Variants in CDC14B observed in about 807,000 individuals in gnomAD.
CDC14B encodes the protein cell division cycle 14B, also known as dual specificity protein phosphatase CDC14B.
In CDC14B, 22 loss-of-function variants were observed where a neutral mutation model predicts 64.2. The observed-to-expected ratio is 0.34, with a 90% CI of 0.24 to 0.49. The LOEUF is 0.49. Ranked by LOEUF, CDC14B falls within the 20% of genes least tolerant of loss-of-function variation. CDC14B has a pLI of 0.99. For synonymous variants in CDC14B, 191 were observed against 215.8 expected (o/e 0.89, Z 1.01); for missense variants, 498 against 629.9 (o/e 0.79, Z 2.24).
intron 1 of CDC14B, among the ~76,000 whole-genome samples, chr9:96,583,711 C>T (rs1025882295): frequency 6.7e-6 from 1 of 149,614 alleles, no homozygotes; most frequent in East Asian, 2.0e-4. Flanking sequence ...GTGAGGATTT[C>T]TTATTTTTTA....
At chr9:96,590,557 C>T (rs1219439297) in intron 1 of CDC14B, among the ~76,000 whole-genome samples, 1 of 151,946 alleles carries the variant, frequency 6.6e-6, no homozygotes, top group Non-Finnish European at 1.5e-5. Context: ...AACCTCTATA[C>T]TATTTTCCAT....
chr9:96,557,810 C>T (rs1842679026), intron 4 of CDC14B, among the ~76,000 whole-genome samples: 2 of 152,152 alleles, frequency 1.3e-5, no homozygotes, highest in Admixed American at 1.3e-4. Context: ...ATTAGCTCTA[C>T]CAAAGTAATC....
At chr9:96,579,107 C>T (rs1408439137) in intron 1 of CDC14B, among the ~76,000 whole-genome samples, 2 of 151,936 alleles carry the variant, frequency 1.3e-5, no homozygotes, top group South Asian at 2.1e-4. Context: ...CATGAGCCAC[C>T]GCACCCAGCC....
At chr9:96,569,181 G>A (rs1844328322) in intron 1 of CDC14B, among the ~76,000 whole-genome samples, 1 of 152,178 alleles carries the variant, frequency 6.6e-6, no homozygotes, top group Admixed American at 6.5e-5. Context: ...AAATTACACT[G>A]CTTCTAAAAA....
intron 12 of CDC14B, among the ~76,000 whole-genome samples, chr9:96,520,839 T>G (rs1161082500): frequency 1.7e-5 from 2 of 117,276 alleles, no homozygotes; most frequent in Non-Finnish European, 3.3e-5. Flanking sequence ...ATAACCCATA[T>G]TTCAACAAGC....
intron 1 of CDC14B, among the ~76,000 whole-genome samples, chr9:96,610,539 CCT>C (rs1023041311): frequency 3.3e-5 from 5 of 152,084 alleles, no homozygotes; most frequent in African/African-American, 1.2e-4. Flanking sequence ...GAAGCACTTC[CCT>C]GTTTCCCAAG....
At chr9:96,611,668 C>A (rs1206327604) in intron 1 of CDC14B, among the ~76,000 whole-genome samples, 1 of 152,132 alleles carries the variant, frequency 6.6e-6, no homozygotes, top group African/African-American at 2.4e-5. Context: ...CTATTCCCAA[C>A]CTTTCCAAAT....
In CDC14B at chr9:96,555,254, C is replaced by T. The variant is rs1303087126; in HGVS notation, c.421-3382G>A. Among the ~76,000 whole-genome samples, 4 of 152,106 alleles carry T rather than the reference C, an allele frequency of 2.6e-5. No homozygotes were observed. In the East Asian group the frequency reaches 7.7e-4, roughly 29 times the overall value. ...AGGCTAGATCATAAAAGAGGTAGCT[C>T]CTGTCATGCTTTCTCTTAGAACCCT... is the stretch of plus-strand genomic sequence containing the variant. On this transcript the variant is annotated intron_variant, in intron 4 of 13. Transcript: ENST00000375241.
intron 1 of CDC14B, among the ~76,000 whole-genome samples, chr9:96,596,838 G>A (rs1466593443): frequency 6.6e-6 from 1 of 151,124 alleles, no homozygotes; most frequent in Non-Finnish European, 1.5e-5. Context: ...CAGCCTGGAC[G>A]GCAGATGGAG....
At position 96,523,713 on chromosome 9, in the gene CDC14B, C is replaced by A; in HGVS notation, c.959G>T (p.Arg320Leu). The A allele has an allele frequency of 1.2e-6, 2 of 1,612,120 alleles. No homozygotes were observed. Among genetic ancestry groups the A allele is most frequent in the Non-Finnish European group, 1.7e-6 (2 of 1,178,442 alleles). Residue 320 changes from arginine to leucine, a missense_variant, in exon 10 of 14, where the codon CGC (arginine) becomes CTC (leucine). Coordinates refer to ENST00000375241, the MANE Select transcript of CDC14B (RefSeq NM_033331.4). ...IAVHCKAGLGRTGTLIACYIM... is the reference protein window; with the variant it reads ...IAVHCKAGLGLTGTLIACYIM... ...GTAGCAGGCTATCAGAGTGCCCGTG[C>A]GACCAAGGCCAGCTAGGAAAATAAA...
At chr9:96,591,509 G>T (rs184983834) in intron 1 of CDC14B, among the ~76,000 whole-genome samples, 175 of 152,152 alleles carry the variant, frequency 1.2e-3, no homozygotes, top group African/African-American at 3.9e-3. Flanking sequence ...ATCAGGAATT[G>T]AAGCCTCTAG....
At chr9:96,615,106 G>C (rs1405717206) in intron 1 of CDC14B, among the ~76,000 whole-genome samples, 1 of 152,188 alleles carries the variant, frequency 6.6e-6, no homozygotes, top group Non-Finnish European at 1.5e-5. Context: ...CTCCCCAAGT[G>C]CTGGGATTAC....
chr9:96,521,851 C>G (rs1836777742), intron 12 of CDC14B, among the ~76,000 whole-genome samples: 1 of 152,116 alleles, frequency 6.6e-6, no homozygotes, highest in South Asian at 2.1e-4. Context: ...TAAAGAACAG[C>G]CTACAAAAAA....
intron 13 of CDC14B, among the ~76,000 whole-genome samples, chr9:96,507,433 T>C (rs969421315): frequency 1.3e-5 from 2 of 151,880 alleles, no homozygotes; most frequent in African/African-American, 4.8e-5. Flanking sequence ...TTTTTTTTTT[T>C]GAGACAGAGT....
intron 13 of CDC14B, among the ~76,000 whole-genome samples, chr9:96,504,771 G>A (rs1833896531): frequency 6.6e-6 from 1 of 152,216 alleles, no homozygotes; most frequent in African/African-American, 2.4e-5. Flanking sequence ...TCAAGAGGCA[G>A]TGGCAGGTGT....
At chr9:96,548,372 C>A (rs749262692) in intron 5 of CDC14B, among the ~76,000 whole-genome samples, 1 of 152,092 alleles carries the variant, frequency 6.6e-6, no homozygotes, top group Non-Finnish European at 1.5e-5. Context: ...CTGTTCATAA[C>A]AATGATCCTA....
At chr9:96,498,099 G>C (rs1833328320), downstream of CDC14B, among the ~76,000 whole-genome samples, 1 of 152,154 alleles carries the variant, frequency 6.6e-6, no homozygotes, top group Non-Finnish European at 1.5e-5. Flanking sequence ...GGGAGAGTGT[G>C]GCAGCTAGTC....
chr9:96,502,077 G>T lies in CDC14B; in HGVS notation c.*1676C>A, dbSNP rs767367172. Reference sequence around the variant, plus strand: ...TTCCTCCTCCCACCCAAATCTTATTGAAGAGTAGTCTGCCCACAGCCAAGT... The same window carrying T: ...TTCCTCCTCCCACCCAAATCTTATTTAAGAGTAGTCTGCCCACAGCCAAGT... On this transcript the variant is annotated 3_prime_UTR_variant, in exon 14 of 14. Coordinates refer to ENST00000375241, the MANE Select transcript of CDC14B (RefSeq NM_033331.4). 6 of 152,154 alleles carry T rather than the reference G, an allele frequency of 3.9e-5. No homozygotes were observed. Among genetic ancestry groups the T allele is most frequent in the African/African-American group, 9.7e-5 (4 of 41,422 alleles). The allele number at this position is 152,154 out of a possible 1,614,324, so 9.4% of individuals were successfully genotyped here. A position where few individuals can be genotyped will look rare whatever the true frequency, so the allele number is the denominator to read the frequency against.
chr9:96,601,753 C>G (rs1846480138), intron 1 of CDC14B, among the ~76,000 whole-genome samples: 1 of 146,538 alleles, frequency 6.8e-6, no homozygotes, highest in African/African-American at 2.6e-5. Context: ...GAGGGCGCAC[C>G]ACTGCACTCC....
Sources: gnomAD v4.1 joint callset for allele counts (sites outside exome capture counted in the v4.1 genomes callset) on GRCh38, gnomAD v4.1.1 for gene constraint, MANE v1.5 for transcripts, NCBI Gene and HGNC (gene_info 2026-07-23, HGNC 2026-07-21) for gene names.